The following TBC1D5 variants were observed in gnomAD, a reference collection of about 807,000 sequenced individuals.
TBC1D5 encodes the protein TBC1 domain family member 5, also known as TBC1 domain family, member 5.
TBC1D5 carries 75 observed loss-of-function variants against 100.3 expected under a neutral mutation model. The ratio of observed to expected loss-of-function variants is 0.75; its 90% CI spans 0.62 to 0.91. The LOEUF is 0.91. TBC1D5 is among the 40% of genes least tolerant of loss of function. The pLI is 0.00. For missense variants in TBC1D5, 910 were observed against 942.4 expected, an observed-to-expected ratio of 0.97 and a Z score of 0.45; for synonymous variants, 323 against 325.6, an observed-to-expected ratio of 0.99 and a Z score of 0.09.
At chr3:17,517,708 A>C (rs930438931) in intron 2 of TBC1D5, among the ~76,000 whole-genome samples, 3 of 152,200 alleles carry the variant, frequency 2.0e-5, no homozygotes, top group African/African-American at 7.2e-5. Flanking sequence ...CTTGTGGCTA[A>C]ACTTTTAAGT....
intron 8 of TBC1D5, among the ~76,000 whole-genome samples, chr3:17,385,080 T>C (rs1411836005): frequency 6.6e-6 from 1 of 152,196 alleles, no homozygotes; most frequent in African/African-American, 2.4e-5. Context: ...GCATAATTTC[T>C]AGTTATGCAA....
At chr3:17,698,309 A>C (rs931047526) in intron 1 of TBC1D5, among the ~76,000 whole-genome samples, 7 of 152,196 alleles carry the variant, frequency 4.6e-5, no homozygotes, top group Non-Finnish European at 5.9e-5. Context: ...TCCCTATTTA[A>C]TCAATGGTGC....
At chr3:17,668,113 AATTTCACTTAAAAATATATATAAAGGC>A (rs997077414) in intron 1 of TBC1D5, among the ~76,000 whole-genome samples, 2 of 148,866 alleles carry the variant, frequency 1.3e-5, no homozygotes, top group Admixed American at 6.7e-5. Context: ...ATATATTTTT[AATTTCACTTAAAAATATATATAAAGGC>A]ATTTCACTTA....
intron 13 of TBC1D5, among the ~76,000 whole-genome samples, chr3:17,309,096 A>G (rs576637639): frequency 6.6e-6 from 1 of 151,926 alleles, no homozygotes; most frequent in East Asian, 1.9e-4. Context: ...AGCACCATCA[A>G]ATAGTATAGA....
At chr3:17,709,864 G>T (rs950403578) in intron 1 of TBC1D5, among the ~76,000 whole-genome samples, 5 of 152,078 alleles carry the variant, frequency 3.3e-5, no homozygotes, top group African/African-American at 1.2e-4. Context: ...TCAACAACAT[G>T]CATAATAAGA....
At chr3:17,732,646 G>A (rs2076659039) in intron 1 of TBC1D5, among the ~76,000 whole-genome samples, 1 of 151,506 alleles carries the variant, frequency 6.6e-6, no homozygotes, top group Non-Finnish European at 1.5e-5. Flanking sequence ...GGCTGAGACA[G>A]AAGAATGGGA....
At chr3:17,526,523 T>A (rs2096137928) in intron 2 of TBC1D5, among the ~76,000 whole-genome samples, 1 of 152,174 alleles carries the variant, frequency 6.6e-6, no homozygotes, top group African/African-American at 2.4e-5. Flanking sequence ...GGTGATTTAG[T>A]CAACATTATC....
chr3:17,564,336 C>CTT (rs2096580430), intron 2 of TBC1D5, among the ~76,000 whole-genome samples: 1 of 152,134 alleles, frequency 6.6e-6, no homozygotes, highest in Admixed American at 6.6e-5. Flanking sequence ...AAGTGAAATA[C>CTT]TTTTATTCAT....
chr3:17,678,890 G>A (rs1384474414), intron 1 of TBC1D5, among the ~76,000 whole-genome samples: 1 of 150,532 alleles, frequency 6.6e-6, no homozygotes, highest in South Asian at 2.1e-4. Context: ...AAAAAGTGGT[G>A]GACAAAAAAA....
chr3:17,203,566 T>C (rs111879387), intron 18 of TBC1D5, among the ~76,000 whole-genome samples: 1 of 152,186 alleles, frequency 6.6e-6, no homozygotes, highest in African/African-American at 2.4e-5. Flanking sequence ...CATCTTGAAT[T>C]GTAATCCTCT....
At chr3:17,575,031 A>C (rs1399654143) in intron 2 of TBC1D5, among the ~76,000 whole-genome samples, 1 of 152,112 alleles carries the variant, frequency 6.6e-6, no homozygotes, top group Non-Finnish European at 1.5e-5. Flanking sequence ...ACTCCATTAA[A>C]AATTTCCAAT....
At chr3:17,603,987 G>C (rs1414593423) in intron 2 of TBC1D5, among the ~76,000 whole-genome samples, 1 of 152,070 alleles carries the variant, frequency 6.6e-6, no homozygotes, top group Non-Finnish European at 1.5e-5. Flanking sequence ...CTACTTTACT[G>C]TCAGCTTATT....
At position 17,442,043 on chromosome 3, in the gene TBC1D5, T is replaced by C. The variant is rs966824391; in HGVS notation, c.98-13524A>G. 5.9e-5 allele frequency among the ~76,000 whole-genome samples: 9 copies of C among 152,204 alleles called. 1 individual carries two copies. Among genetic ancestry groups the C allele is most frequent in the Admixed American group, 2.6e-4 (4 of 15,284 alleles). ...TGAAAAGTAAATAACAGGAGGCATA[T>C]TGGAGAAGAAAATCAGTGGTGTTGA... On this transcript the variant is annotated intron_variant, in intron 3 of 21. Coordinates refer to ENST00000253692, the Ensembl canonical transcript of TBC1D5.
At chr3:17,167,659 TG>T (rs2066769093) in intron 20 of TBC1D5, 89 bp downstream of exon 21, 1 of 1,160,000 alleles carries the variant, frequency 8.6e-7, no homozygotes, top group Admixed American at 1.8e-5. Context: ...AGGGGGATGC[TG>T]GCTCTAACAT....
rs139522957 is a variant in TBC1D5 at position 17,674,320 on chromosome 3, T to C, written c.-100-50407A>G. On this transcript the variant is annotated intron_variant, in intron 1 of 21. Coordinates refer to ENST00000253692, the Ensembl canonical transcript of TBC1D5. ...TGCCTCTCATTTACAATTAAATTTG[T>C]ACATGAAAACAAAAGTTTAATATAC... 9.6e-3 allele frequency among the ~76,000 whole-genome samples: 1,464 copies of C among 152,306 alleles called. 17 individuals are homozygous for C. Among genetic ancestry groups the C allele is most frequent in the African/African-American group, 0.033 (1,363 of 41,566 alleles).
At chr3:17,396,045 CCT>C (rs754059967) in intron 8 of TBC1D5, among the ~76,000 whole-genome samples, 13 of 152,028 alleles carry the variant, frequency 8.6e-5, no homozygotes, top group African/African-American at 1.2e-4. Context: ...TGTTTTCCCC[CCT>C]CTTTAATATT....
chr3:17,460,880 G>T (rs1003335785), intron 3 of TBC1D5, among the ~76,000 whole-genome samples: 1 of 151,976 alleles, frequency 6.6e-6, no homozygotes, highest in African/African-American at 2.4e-5. Context: ...TCAATCTTTT[G>T]ATTAAAAAAG....
intron 13 of TBC1D5, among the ~76,000 whole-genome samples, chr3:17,355,109 G>T (rs1468464509): frequency 1.3e-5 from 2 of 151,972 alleles, no homozygotes; most frequent in Non-Finnish European, 2.9e-5. Flanking sequence ...CCCTTTCGTT[G>T]TTTTCTTATA....
chr3:17,565,028 C>A (rs1268797296), intron 2 of TBC1D5, among the ~76,000 whole-genome samples: 1 of 152,106 alleles, frequency 6.6e-6, no homozygotes, highest in African/African-American at 2.4e-5. Flanking sequence ...AACCTCTGTT[C>A]TTTAATGTTT....
Sources: allele counts gnomAD v4.1 joint callset (sites outside exome capture counted in the v4.1 genomes callset), GRCh38; gene constraint gnomAD v4.1.1; transcripts MANE v1.5; gene names NCBI Gene and HGNC (gene_info 2026-07-23, HGNC 2026-07-21).